The following KHDRBS1 variants were observed in gnomAD, a reference collection of about 807,000 sequenced individuals.
The protein encoded by KHDRBS1 is KH RNA binding domain containing, signal transduction associated 1.
KHDRBS1 carries 7 observed loss-of-function variants against 48.4 expected under a neutral mutation model. The observed-to-expected ratio is 0.14, with a 90% CI of 0.08 to 0.27. The LOEUF is 0.27. Among genes scored for constraint, KHDRBS1 ranks in the 10% least tolerant of loss-of-function variants. The probability of loss-of-function intolerance (pLI) is 1.00; values close to 1 mark genes in which losing one functional copy is unlikely to be tolerated. For synonymous variants in KHDRBS1, 241 were observed against 235.8 expected (o/e 1.02, Z -0.20); for missense variants, 458 against 601.2 (o/e 0.76, Z 2.49).
intron 3 of KHDRBS1, among the ~76,000 whole-genome samples, chr1:32,032,616 AT>A (rs1162209031): frequency 6.6e-6 from 1 of 152,094 alleles, no homozygotes; most frequent in Non-Finnish European, 1.5e-5. Flanking sequence ...TATCTCAGGG[AT>A]TTAAGACAAC....
At chr1:32,018,310 A>G (rs1212856899) in intron 1 of KHDRBS1, among the ~76,000 whole-genome samples, 1 of 151,648 alleles carries the variant, frequency 6.6e-6, no homozygotes, top group Admixed American at 6.6e-5. Context: ...AATACAAAAA[A>G]TTACCCCTGG....
intron 10 of KHDRBS1, among the ~76,000 whole-genome samples, chr1:32,049,787 A>C (rs1431854427): frequency 1.3e-5 from 2 of 150,692 alleles, no homozygotes; most frequent in African/African-American, 2.4e-5. Context: ...TCAGCCTCCC[A>C]AGCAGCTGGG....
chr1:32,027,504 T>C (rs1638998952), intron 1 of KHDRBS1, among the ~76,000 whole-genome samples: 1 of 152,236 alleles, frequency 6.6e-6, no homozygotes, highest in Non-Finnish European at 1.5e-5. Flanking sequence ...AGCATTACTC[T>C]GTTAACTGTA....
chr1:32,037,118 ATG>A, intron 5 of KHDRBS1, 75 bp downstream of exon 5: 1 of 1,505,462 alleles, frequency 6.6e-7, no homozygotes, highest in South Asian at 1.2e-5. Context: ...TGGTGCTCTT[ATG>A]TCTAGCTTAG....
rs1569805931 is a variant in KHDRBS1, at chr1:32,038,431, T to C, written c.1108-121T>C. The C allele has an allele frequency of 7.3e-6, 7 of 962,534 alleles. No individual in the cohort carries two copies. The East Asian group carries it at 1.9e-4, about 25-fold the overall frequency. 59.6% of individuals were successfully genotyped at this position (962,534 alleles called of 1,614,324 possible). On this transcript the variant is annotated intron_variant, in intron 6 of 8. Transcript: ENST00000327300. ...TATTCTACAGTAGGCATTAACATTT[T>C]GGAGGGAAATGTCATGTCCTTTTAA...
chr1:32,046,824 T>A (rs1639363883), downstream of KHDRBS1, among the ~76,000 whole-genome samples: 1 of 152,140 alleles, frequency 6.6e-6, no homozygotes, highest in Non-Finnish European at 1.5e-5. Context: ...CTGTGAGAGA[T>A]CTGGAAGCTT....
intron 10 of KHDRBS1, among the ~76,000 whole-genome samples, chr1:32,058,588 TGAGTG>T (rs1303050616): frequency 6.6e-6 from 1 of 152,090 alleles, no homozygotes; most frequent in Non-Finnish European, 1.5e-5. Flanking sequence ...AACTTGCTGA[TGAGTG>T]GAGAATGGTT....
At chr1:32,027,660 A>T (rs1435950758) in intron 1 of KHDRBS1, among the ~76,000 whole-genome samples, 4 of 152,206 alleles carry the variant, frequency 2.6e-5, no homozygotes, top group Non-Finnish European at 5.9e-5. Flanking sequence ...ACCAGGAAGT[A>T]TGTGTCTATT....
intron 10 of KHDRBS1, among the ~76,000 whole-genome samples, chr1:32,050,233 A>AG (rs1639401489): frequency 1.3e-5 from 2 of 152,174 alleles, no homozygotes; most frequent in Non-Finnish European, 2.9e-5. Context: ...CCACTTTTAA[A>AG]TGGGATAATT....
At chr1:32,045,259 CTT>C (rs1341365771), downstream of KHDRBS1, 4 of 152,706 alleles carry the variant, frequency 2.6e-5, no homozygotes, top group South Asian at 6.2e-4. Context: ...TGCAGGATCT[CTT>C]TATCTTTTAT....
At chr1:32,028,500 CTTT>C (rs1235962364) in intron 1 of KHDRBS1, among the ~76,000 whole-genome samples, 19 of 123,378 alleles carry the variant, frequency 1.5e-4, no homozygotes, top group African/African-American at 6.4e-4. Flanking sequence ...ACTATATATA[CTTT>C]TTTTTTTTTT....
chr1:32,059,447 G>A (rs1289647437), intron 10 of KHDRBS1, among the ~76,000 whole-genome samples: 1 of 151,900 alleles, frequency 6.6e-6, no homozygotes, highest in East Asian at 1.9e-4. Context: ...GGCTGAGGTT[G>A]GAGGATCACT....
At chr1:32,015,474 C>T (rs912964617) in intron 1 of KHDRBS1, among the ~76,000 whole-genome samples, 69 of 152,172 alleles carry the variant, frequency 4.5e-4, no homozygotes, top group African/African-American at 1.4e-3. Flanking sequence ...ATATTATCTC[C>T]CTCCCTTTGT....
intron 1 of KHDRBS1, 145 bp downstream of exon 1, chr1:32,014,522 C>A: frequency 1.2e-6 from 1 of 860,112 alleles, no homozygotes; most frequent in Non-Finnish European, 1.6e-6. Flanking sequence ...AGCCTGGATT[C>A]CACATTCCCA....
At chr1:32,058,049 C>T (rs574440860) in intron 10 of KHDRBS1, among the ~76,000 whole-genome samples, 25 of 151,010 alleles carry the variant, frequency 1.7e-4, no homozygotes, top group Admixed American at 4.0e-4. Context: ...ACCCAGGAGG[C>T]GGAGGTAGGA....
chr1:32,041,992 G>A (rs1166400604), intron 8 of KHDRBS1, among the ~76,000 whole-genome samples: 4 of 152,332 alleles, frequency 2.6e-5, no homozygotes, highest in East Asian at 1.9e-4. Flanking sequence ...ATGGAAAGTG[G>A]CCCTTGCTTG....
chr1:32,052,008 T>C (rs1031953673), intron 10 of KHDRBS1, among the ~76,000 whole-genome samples: 1 of 152,232 alleles, frequency 6.6e-6, no homozygotes, highest in Non-Finnish European at 1.5e-5. Flanking sequence ...ATTCTCAGTC[T>C]ATGCCATCCA....
At chr1:32,018,860 C>T (rs1440663499) in intron 1 of KHDRBS1, among the ~76,000 whole-genome samples, 1 of 152,174 alleles carries the variant, frequency 6.6e-6, no homozygotes, top group Non-Finnish European at 1.5e-5. Flanking sequence ...CACTTGAGGT[C>T]AGAAGTTCGA....
At chr1:32,040,848 G>A (rs1206008940) in intron 8 of KHDRBS1, among the ~76,000 whole-genome samples, 1 of 152,158 alleles carries the variant, frequency 6.6e-6, no homozygotes, top group Non-Finnish European at 1.5e-5. Flanking sequence ...GCCTCCCAGA[G>A]ACAGACAAGC....
Sources: allele counts gnomAD v4.1 joint callset (sites outside exome capture counted in the v4.1 genomes callset), GRCh38; gene constraint gnomAD v4.1.1; transcripts MANE v1.5; gene names NCBI Gene and HGNC (gene_info 2026-07-23, HGNC 2026-07-21).